Variants in MYLK observed in about 807,000 individuals in gnomAD.
MYLK encodes myosin light chain kinase, smooth muscle.
In MYLK, 106 loss-of-function variants were observed where a neutral mutation model predicts 203.4. That is an observed-to-expected ratio of 0.52 (90% CI 0.45 to 0.61). The LOEUF (loss-of-function observed/expected upper bound fraction) is 0.61. Among genes scored for constraint, MYLK ranks in the 20% least tolerant of loss-of-function variants. The probability of loss-of-function intolerance (pLI) is 0.00; values close to 1 mark genes in which losing one functional copy is unlikely to be tolerated. For synonymous variants in MYLK, 867 were observed against 959.5 expected (o/e 0.90, Z 1.78); for missense variants, 2,072 against 2,442.3 (o/e 0.85, Z 3.20).
intron 24 of MYLK, among the ~76,000 whole-genome samples, chr3:123,650,475 G>C (rs1208783777): frequency 6.6e-6 from 1 of 151,806 alleles, no homozygotes; most frequent in African/African-American, 2.4e-5. Flanking sequence ...GGGTGTACCG[G>C]TGTGAGTGTG....
At chr3:123,688,511 C>A (rs2060545108) in intron 19 of MYLK, among the ~76,000 whole-genome samples, 1 of 152,212 alleles carries the variant, frequency 6.6e-6, no homozygotes, top group African/African-American at 2.4e-5. Context: ...TCCCTGCTTT[C>A]CCTCTGACTC....
At chr3:123,675,634 T>C (rs182097644) in intron 20 of MYLK, among the ~76,000 whole-genome samples, 2 of 152,320 alleles carry the variant, frequency 1.3e-5, no homozygotes, top group Admixed American at 6.5e-5. Flanking sequence ...TCTGGGGACA[T>C]TTCCCTTTTT....
At chr3:123,625,702 G>A (rs1228529039) in intron 31 of MYLK, among the ~76,000 whole-genome samples, 1 of 151,338 alleles carries the variant, frequency 6.6e-6, no homozygotes, top group Non-Finnish European at 1.5e-5. Context: ...CAGCTACTTG[G>A]GAGGCTGAGG....
chr3:123,631,290 C>G (rs549994622), intron 29 of MYLK, among the ~76,000 whole-genome samples: 1 of 151,652 alleles, frequency 6.6e-6, no homozygotes, highest in Non-Finnish European at 1.5e-5. Context: ...CCCAGCTACT[C>G]GGGAGGCTGA....
chr3:123,759,197 T>G (rs1349117991), intron 4 of MYLK, among the ~76,000 whole-genome samples: 1 of 152,142 alleles, frequency 6.6e-6, no homozygotes, highest in African/African-American at 2.4e-5. Flanking sequence ...AAATGCATTG[T>G]TTTCATAGCA....
In MYLK at chr3:123,654,919, T is replaced by C. The variant is rs111298218; in HGVS notation, c.4288+2207A>G. Among the ~76,000 whole-genome samples, 554 of 152,150 alleles carry C rather than the reference T, an allele frequency of 3.6e-3. 3 individuals carry two copies. Among genetic ancestry groups the C allele is most frequent in the African/African-American group, 0.013 (529 of 41,510 alleles). ...TTTTAGTAGAGATGGGGTTTTGCCA[T>C]GTTGCCCAGGCTACTCTTGAACTCC... On this transcript the variant is annotated intron_variant, in intron 24 of 33. Transcript: ENST00000360304.
intron 3 of MYLK, among the ~76,000 whole-genome samples, chr3:123,804,565 G>A (rs1336151249): frequency 6.6e-6 from 1 of 152,176 alleles, no homozygotes; most frequent in Non-Finnish European, 1.5e-5. Context: ...TAGATCCCAT[G>A]CCTTCTGTCT....
chr3:123,794,133 T>C (rs973943460), intron 3 of MYLK, among the ~76,000 whole-genome samples: 1 of 152,260 alleles, frequency 6.6e-6, no homozygotes, highest in African/African-American at 2.4e-5. Flanking sequence ...CACTGACCCC[T>C]TCTTCTAGGA....
chr3:123,871,866 G>C (rs543818209), intron 2 of MYLK, among the ~76,000 whole-genome samples: 2 of 147,742 alleles, frequency 1.4e-5, no homozygotes, highest in African/African-American at 5.0e-5. Context: ...TATCCTTCAT[G>C]AATATAGACA....
chr3:123,838,646 G>A (rs1345415290), intron 2 of MYLK, among the ~76,000 whole-genome samples: 1 of 152,050 alleles, frequency 6.6e-6, no homozygotes, highest in Non-Finnish European at 1.5e-5. Context: ...GAAAGAACTT[G>A]GAGTATAATA....
chr3:123,822,939 C>G (rs966345930), intron 3 of MYLK, among the ~76,000 whole-genome samples: 5 of 152,080 alleles, frequency 3.3e-5, no homozygotes, highest in Admixed American at 2.6e-4. Flanking sequence ...TAAGTGCAAA[C>G]AGAAGAAAGA....
intron 29 of MYLK, chr3:123,630,591 C>T (rs1338085375): frequency 6.6e-6 from 1 of 152,178 alleles, no homozygotes; most frequent in Non-Finnish European, 1.5e-5. Flanking sequence ...TAGAGCCTGT[C>T]CTCTTAAATG....
chr3:123,721,403 C>T (rs556089784), intron 13 of MYLK, among the ~76,000 whole-genome samples: 1 of 152,236 alleles, frequency 6.6e-6, no homozygotes, highest in Admixed American at 6.5e-5. Flanking sequence ...AGAAGCACTT[C>T]CACGGGAACT....
chr3:123,775,613 A>G (rs938751034), intron 4 of MYLK, among the ~76,000 whole-genome samples: 1 of 152,196 alleles, frequency 6.6e-6, no homozygotes, highest in Non-Finnish European at 1.5e-5. Context: ...ACAAATTGAC[A>G]AATATACTCT....
chr3:123,633,948 G>C (rs1161512474), intron 29 of MYLK, among the ~76,000 whole-genome samples: 1 of 152,134 alleles, frequency 6.6e-6, no homozygotes, highest in East Asian at 1.9e-4. Context: ...CTCCTGAGTA[G>C]CTGGGACCAC....
chr3:123,870,147 G>A (rs188230005), intron 2 of MYLK, among the ~76,000 whole-genome samples: 56 of 152,294 alleles, frequency 3.7e-4, no homozygotes, highest in Middle Eastern at 6.8e-3. Context: ...GCACCTGGAG[G>A]CCTGAATTCC....
At position 123,692,276 on chromosome 3, in the gene MYLK, G is replaced by C. The variant is rs368552406; in HGVS notation, c.3565+459C>G. 5.5e-6 allele frequency: 6 copies of C among 1,092,100 alleles called. No homozygotes were observed. The African/African-American group carries it at 9.7e-5, about 18-fold the overall frequency. 67.7% of individuals were successfully genotyped at this position (1,092,100 alleles called of 1,614,324 possible). On this transcript the variant is annotated intron_variant, in intron 19 of 33. Transcript: ENST00000360304. Reference sequence around the variant, plus strand: ...CCTCTCTGTCCAGAGACTCAGCCCCGACTCACCTCCTCTAGGAAGTCTCCC... The same window carrying C: ...CCTCTCTGTCCAGAGACTCAGCCCCCACTCACCTCCTCTAGGAAGTCTCCC...
At position 123,738,897 on chromosome 3, in the gene MYLK, C is replaced by T. The variant is rs2062768601; in HGVS notation, c.588G>A (p.Lys196=). 1.2e-6 allele frequency: 2 copies of T among 1,608,434 alleles called. No individual in the cohort carries two copies. Among genetic ancestry groups the T allele is most frequent in the Admixed American group, 1.7e-5 (1 of 59,462 alleles). Residue 196 remains lysine (K), a splice_region_variant and synonymous_variant, in exon 7 of 34, where the codon AAG becomes AAA. Coordinates refer to ENST00000360304, the MANE Select transcript of MYLK (RefSeq NM_053025.4). Reference sequence around the variant, plus strand: ...GGGTCAGGGCAGACAGAAACCTCACCTTGAGCCAGGTGACCTGCGGTTGGG... The same window carrying T: ...GGGTCAGGGCAGACAGAAACCTCACTTTGAGCCAGGTGACCTGCGGTTGGG... ...GRPQPQVTWL[K]GNVPLQPSAR...
chr3:123,824,460 A>G (rs552610859), intron 3 of MYLK, among the ~76,000 whole-genome samples: 2 of 152,328 alleles, frequency 1.3e-5, no homozygotes, highest in South Asian at 4.1e-4. Context: ...ATTACGTGAG[A>G]GCAGGGACTT....
Sources: gnomAD v4.1 joint callset for allele counts (sites outside exome capture counted in the v4.1 genomes callset) on GRCh38, gnomAD v4.1.1 for gene constraint, MANE v1.5 for transcripts, NCBI Gene and HGNC (gene_info 2026-07-23, HGNC 2026-07-21) for gene names.